The following PRDM2 variants were observed in gnomAD, a reference collection of about 807,000 sequenced individuals.
The protein encoded by PRDM2 is PR/SET domain 2.
Under a neutral mutation model 130.0 loss-of-function variants are expected in PRDM2, and 30 were observed. The ratio of observed to expected loss-of-function variants is 0.23; its 90% CI spans 0.17 to 0.31. PRDM2 has a LOEUF of 0.31. Ranked by LOEUF, PRDM2 falls within the 10% of genes least tolerant of loss-of-function variation. The pLI is 1.00. For synonymous variants in PRDM2, 871 were observed against 782.4 expected (o/e 1.11, Z -1.89); for missense variants, 2,011 against 2,108.4 (o/e 0.95, Z 0.90).
At position 13,773,160 on chromosome 1, in the gene PRDM2, C is replaced by G. The variant is rs773928052; in HGVS notation, c.594C>G (p.Thr198=). The change falls in exon 7 of 10, where the codon ACC becomes ACG. Residue 198 remains threonine (T), a synonymous_variant. Coordinates refer to ENST00000311066, the MANE Select transcript of PRDM2 (RefSeq NM_001393986.1). ...IQLKTSEPDF[T]SANMRDSAEG... ...TGAAGACAAGTGAGCCAGATTTCAC[C>G]TCTGCAAATATGAGAGATTCTGCAG... 3 of 1,570,200 alleles carry G rather than the reference C, an allele frequency of 1.9e-6. No individual in the cohort carries two copies. The Admixed American group carries it at 5.8e-5, about 30-fold the overall frequency.
chr1:13,726,780 TCA>T (rs1308928867), intron 2 of PRDM2, among the ~76,000 whole-genome samples: 2 of 152,200 alleles, frequency 1.3e-5, no homozygotes, highest in African/African-American at 4.8e-5. Context: ...TAATGAGTCC[TCA>T]TTGAGGTCAG....
intron 8 of PRDM2, among the ~76,000 whole-genome samples, chr1:13,784,059 A>G (rs114044448): frequency 2.0e-5 from 3 of 152,318 alleles, no homozygotes; most frequent in Non-Finnish European, 4.4e-5. Context: ...GGCTGATTTG[A>G]ATGATTTACT....
chr1:13,787,182 T>C (rs1644759242), intron 8 of PRDM2: 1 of 983,594 alleles, frequency 1.0e-6, no homozygotes, highest in South Asian at 4.7e-5. Context: ...ATGGACGTTA[T>C]CCTCTCAGAT....
intron 1 of PRDM2, among the ~76,000 whole-genome samples, chr1:13,705,947 A>G (rs1473734860): frequency 7.3e-6 from 1 of 137,824 alleles, no homozygotes; most frequent in African/African-American, 2.8e-5. Context: ...GCGCCACTGC[A>G]CTCCAGCCTG....
intron 9 of PRDM2, among the ~76,000 whole-genome samples, chr1:13,821,905 G>A (rs1395121457): frequency 6.6e-6 from 1 of 152,194 alleles, no homozygotes; most frequent in African/African-American, 2.4e-5. Context: ...GAGTGAGTGA[G>A]CCTGACCTGG....
intron 8 of PRDM2, among the ~76,000 whole-genome samples, chr1:13,815,455 A>G (rs1489106061): frequency 6.6e-6 from 1 of 152,158 alleles, no homozygotes; most frequent in Non-Finnish European, 1.5e-5. Flanking sequence ...GCAACAATGA[A>G]CAGGACAAAG....
chr1:13,709,071 G>A (rs1642291931), intron 1 of PRDM2, among the ~76,000 whole-genome samples: 1 of 151,896 alleles, frequency 6.6e-6, no homozygotes, highest in African/African-American at 2.4e-5. Context: ...AAATTCCTGG[G>A]CAGATTCAAT....
rs1187852484 is a variant in PRDM2 at position 13,779,896 on chromosome 1, C to G, written c.2101C>G (p.Leu701Val). Residue 701 changes from leucine (L) to valine (V), a missense_variant, in exon 8 of 10, where the codon CTA becomes GTA. Coordinates refer to ENST00000311066, the MANE Select transcript of PRDM2 (RefSeq NM_001393986.1). The surrounding 1 kb of genome is among the most constrained non-coding windows in gnomAD (Gnocchi z 4.9). Reference protein sequence around the residue: ...LKQLLQTQDKLTPAGISATEI... With the variant: ...LKQLLQTQDKVTPAGISATEI... ...ACAACTTCTTCAAACCCAAGATAAACTAACTCCTGCAGGGATTTCAGCAAC... is the reference window on the plus strand; with the variant it reads ...ACAACTTCTTCAAACCCAAGATAAAGTAACTCCTGCAGGGATTTCAGCAAC... 1 of 1,560,016 alleles carries G rather than the reference C, an allele frequency of 6.4e-7. No individual in the cohort carries two copies. The highest frequency in any genetic ancestry group is 1.9e-5 in the Admixed American group (1 of 52,232).
Position 13,803,445 on chromosome 1 carries a change from A to T in PRDM2, c.5037-12982A>T, listed in dbSNP as rs533078420. 9.2e-5 allele frequency among the ~76,000 whole-genome samples: 14 copies of T among 152,268 alleles called. No individual in the cohort carries two copies. Among genetic ancestry groups the T allele is most frequent in the Non-Finnish European group, 2.1e-4 (14 of 68,026 alleles). ...GCCAGGTGGGTAGAGCCAGTTACAG[A>T]GATCTGAGTGCCCTCAGCGAGTCCT... On this transcript the variant is annotated intron_variant, in intron 8 of 9. Transcript: ENST00000311066. The surrounding 1 kb of genome is among the most constrained non-coding windows in gnomAD (Gnocchi z 6.2).
chr1:13,779,426 C>T lies in PRDM2; in HGVS notation c.1631C>T (p.Pro544Leu), dbSNP rs370750324. 1.1e-5 allele frequency: 17 copies of T among 1,614,002 alleles called. No homozygotes were observed. The highest frequency in any genetic ancestry group is 5.0e-5 in the Admixed American group (3 of 60,012). Residue 544 changes from proline to leucine, a missense_variant, in exon 8 of 10, where the codon CCG (proline) becomes CTG (leucine). Around this residue, in one of 5 missense-constraint regions of PRDM2, gnomAD observed 1,288 missense variants for 1,237.7 expected, o/e 1.04. Transcript: ENST00000311066. This position sits in a 1 kb window ranked among gnomAD's most constrained non-coding sequence, Gnocchi z 4.9. ...AACGTGTATGTACCAAGCACAGAGC[C>T]GGAGGAGGAAGGGGAAGCAGATGAT... ...TQNVYVPSTE[P>L]EEEGEADDVY...
chr1:13,817,776 G>A (rs1645280509), intron 9 of PRDM2, among the ~76,000 whole-genome samples: 1 of 152,066 alleles, frequency 6.6e-6, no homozygotes, highest in Admixed American at 6.6e-5. Flanking sequence ...GAGGCAGGTG[G>A]ATCACGAGAT....
At chr1:13,783,030 G>A (rs916304015) in intron 8 of PRDM2, 199 bp downstream of exon 8, 2 of 1,294,524 alleles carry the variant, frequency 1.5e-6, no homozygotes, top group African/African-American at 3.0e-5. Context: ...TTCAGACTTA[G>A]GACTCACAAA....
intron 8 of PRDM2, chr1:13,787,766 T>G: frequency 3.1e-6 from 3 of 983,056 alleles, no homozygotes; most frequent in Non-Finnish European, 3.6e-6. Context: ...TTGCTGTTAG[T>G]TATTTTATTG....
At chr1:13,789,970 T>C (rs1644812592) in intron 8 of PRDM2, among the ~76,000 whole-genome samples, 1 of 152,238 alleles carries the variant, frequency 6.6e-6, no homozygotes, top group Admixed American at 6.5e-5. Flanking sequence ...GAAGCACTGC[T>C]GTTGAGCGTA....
chr1:13,707,922 AG>A (rs1313886053), intron 1 of PRDM2, among the ~76,000 whole-genome samples: 9 of 152,034 alleles, frequency 5.9e-5, no homozygotes, highest in Non-Finnish European at 1.2e-4. Context: ...AGTTTTAATA[AG>A]GGGGTTGCAG....
chr1:13,726,886 G>A (rs1642933862), intron 2 of PRDM2, among the ~76,000 whole-genome samples: 1 of 152,116 alleles, frequency 6.6e-6, no homozygotes, highest in Non-Finnish European at 1.5e-5. Flanking sequence ...CTATTCAGGG[G>A]CAGCAAGGAC....
At chr1:13,705,911 G>A (rs1333078104) in intron 1 of PRDM2, among the ~76,000 whole-genome samples, 2 of 151,108 alleles carry the variant, frequency 1.3e-5, no homozygotes, top group African/African-American at 2.4e-5. Flanking sequence ...GAACCTGGGA[G>A]GCGGAGGTTG....
At chr1:13,775,776 C>T (rs184307367) in intron 7 of PRDM2, among the ~76,000 whole-genome samples, 1 of 152,138 alleles carries the variant, frequency 6.6e-6, no homozygotes, top group African/African-American at 2.4e-5. Context: ...TGCCTCTTCC[C>T]CTTTCCTTCT....
chr1:13,785,367 G>A (rs1644712823), intron 8 of PRDM2, among the ~76,000 whole-genome samples: 1 of 152,176 alleles, frequency 6.6e-6, no homozygotes, highest in South Asian at 2.1e-4. Flanking sequence ...TCCTTGTCCT[G>A]TGTTATTTCT....
Sources: gnomAD v4.1 joint callset for allele counts (sites outside exome capture counted in the v4.1 genomes callset) on GRCh38, gnomAD v4.1.1 for gene constraint, gnomAD v4.1.1 regional missense constraint, Gnocchi (gnomAD v3.1) non-coding constraint, MANE v1.5 for transcripts, NCBI Gene and HGNC (gene_info 2026-07-23, HGNC 2026-07-21) for gene names.